SENP7: variants seen among roughly 807,000 people sequenced by gnomAD.
The protein encoded by SENP7 is SUMO specific peptidase 7.
SENP7 carries 64 observed loss-of-function variants against 141.2 expected under a neutral mutation model. The ratio of observed to expected loss-of-function variants is 0.45; its 90% CI spans 0.37 to 0.56. SENP7 has a LOEUF of 0.56. SENP7 is among the 20% of genes least tolerant of loss of function. The probability of loss-of-function intolerance (pLI) is 0.00; values close to 1 mark genes in which losing one functional copy is unlikely to be tolerated. For missense variants in SENP7, 1,025 were observed against 1,212.2 expected, an observed-to-expected ratio of 0.85 and a Z score of 2.29; for synonymous variants, 382 against 426.4, an observed-to-expected ratio of 0.90 and a Z score of 1.28.
intron 11 of SENP7, among the ~76,000 whole-genome samples, chr3:101,356,684 T>C (rs963167779): frequency 2.0e-5 from 3 of 152,164 alleles, no homozygotes; most frequent in Non-Finnish European, 2.9e-5. Context: ...GGCAAAAATA[T>C]ATTTTCATAT....
intron 20 of SENP7, among the ~76,000 whole-genome samples, chr3:101,330,055 A>C (rs924541253): frequency 1.3e-5 from 2 of 152,138 alleles, no homozygotes; most frequent in Admixed American, 1.3e-4. Context: ...TGACATAAAT[A>C]AAAGTGAATC....
chr3:101,355,777 C>A (rs2059725591), intron 11 of SENP7, among the ~76,000 whole-genome samples: 1 of 152,128 alleles, frequency 6.6e-6, no homozygotes. Flanking sequence ...AGGAATAGCA[C>A]TGAATCTATA....
At chr3:101,468,447 G>A (rs1471852624) in intron 3 of SENP7, among the ~76,000 whole-genome samples, 1 of 152,164 alleles carries the variant, frequency 6.6e-6, no homozygotes, top group Non-Finnish European at 1.5e-5. Flanking sequence ...AGTGTTAAGG[G>A]CAGCCAGAGA....
intron 5 of SENP7, among the ~76,000 whole-genome samples, chr3:101,417,078 T>C (rs2061645299): frequency 6.6e-6 from 1 of 152,104 alleles, no homozygotes; most frequent in African/African-American, 2.4e-5. Context: ...AACTGAACAT[T>C]TACTATTAAA....
chr3:101,479,704 A>G (rs2064368964), intron 3 of SENP7, among the ~76,000 whole-genome samples: 2 of 150,170 alleles, frequency 1.3e-5, no homozygotes, highest in African/African-American at 4.9e-5. Context: ...GCTAATAGGG[A>G]GGCTGAGGTG....
intron 14 of SENP7, 70 bp downstream of exon 14, chr3:101,343,616 C>A: frequency 6.8e-7 from 1 of 1,471,890 alleles, no homozygotes; most frequent in East Asian, 2.3e-5. Context: ...TTGAAAGCAG[C>A]CTAATATCAA....
chr3:101,448,230 A>G (rs544198706), intron 4 of SENP7, among the ~76,000 whole-genome samples: 4 of 152,322 alleles, frequency 2.6e-5, no homozygotes, highest in East Asian at 1.9e-4. Context: ...AGACTAAAGA[A>G]AAACAGATAA....
intron 12 of SENP7, among the ~76,000 whole-genome samples, chr3:101,349,891 A>G (rs1430175459): frequency 1.3e-5 from 2 of 152,092 alleles, no homozygotes; most frequent in Admixed American, 6.6e-5. Context: ...TTACTGAGGG[A>G]AGCAAGATAC....
chr3:101,383,588 C>A (rs1011617653), intron 6 of SENP7, among the ~76,000 whole-genome samples: 1 of 152,212 alleles, frequency 6.6e-6, no homozygotes, highest in African/African-American at 2.4e-5. Flanking sequence ...ACTCTCAGTG[C>A]CCACTCCAAT....
chr3:101,380,445 C>CCCCCA lies in SENP7; in HGVS notation c.678-8320_678-8319insTGGGG, dbSNP rs58844573. Among the ~76,000 whole-genome samples the CCCCCA allele has an allele frequency of 2.0e-3, 254 of 128,778 alleles. 10 individuals are homozygous for CCCCCA. Among genetic ancestry groups the CCCCCA allele is most frequent in the South Asian group, 7.9e-3 (29 of 3,652 alleles). The allele number at this position is 128,778 out of a possible 152,430, so 84.5% of individuals were successfully genotyped here. On this transcript the variant is annotated intron_variant, in intron 6 of 23. Coordinates refer to ENST00000394095, the MANE Select transcript of SENP7 (RefSeq NM_020654.5). Reference sequence around the variant, plus strand: ...GTAAAGCAAACCACCGCCCCCCCCCCCACACACACACACAAAACAAAACAT... The same window carrying CCCCCA: ...GTAAAGCAAACCACCGCCCCCCCCCCCCCCACACACACACACACAAAACAAAACAT...
At chr3:101,334,376 C>G (rs1161017574) in intron 17 of SENP7, among the ~76,000 whole-genome samples, 2 of 152,030 alleles carry the variant, frequency 1.3e-5, no homozygotes, top group Non-Finnish European at 2.9e-5. Context: ...TGGTATGTGA[C>G]TTCTGGCTCA....
At chr3:101,362,664 C>T (rs1424943673) in intron 10 of SENP7, among the ~76,000 whole-genome samples, 4 of 152,074 alleles carry the variant, frequency 2.6e-5, no homozygotes, top group Non-Finnish European at 5.9e-5. Flanking sequence ...CATCTTTATG[C>T]CTGTGTGCTA....
intron 6 of SENP7, among the ~76,000 whole-genome samples, chr3:101,373,313 TC>T (rs2060231134): frequency 6.6e-6 from 1 of 152,136 alleles, no homozygotes; most frequent in Non-Finnish European, 1.5e-5. Context: ...CCCTCAAGAA[TC>T]ATTCTTGAAG....
intron 11 of SENP7, among the ~76,000 whole-genome samples, chr3:101,359,533 A>C (rs909471214): frequency 6.6e-6 from 1 of 151,900 alleles, no homozygotes; most frequent in Non-Finnish European, 1.5e-5. Flanking sequence ...ATTAATTTTT[A>C]GGACCACTTT....
chr3:101,395,757 C>T (rs1487943126), intron 6 of SENP7, among the ~76,000 whole-genome samples: 1 of 152,218 alleles, frequency 6.6e-6, no homozygotes, highest in Non-Finnish European at 1.5e-5. Context: ...ATTGCTTTGG[C>T]AGCAATGGTG....
chr3:101,423,640 C>A (rs150092830), intron 4 of SENP7, among the ~76,000 whole-genome samples: 1 of 152,102 alleles, frequency 6.6e-6, no homozygotes, highest in African/African-American at 2.4e-5. Flanking sequence ...GGGACCAAGA[C>A]GATGGGTGCA....
chr3:101,444,113 T>A (rs992534906), intron 4 of SENP7, among the ~76,000 whole-genome samples: 9 of 133,936 alleles, frequency 6.7e-5, no homozygotes, highest in Admixed American at 8.4e-5. Context: ...AAAGAAGACA[T>A]TTATGCAGCC....
At chr3:101,351,816 T>C (rs1473127309) in intron 11 of SENP7, among the ~76,000 whole-genome samples, 165 bp from the exon 12 acceptor site, 18 of 151,974 alleles carry the variant, frequency 1.2e-4, no homozygotes, top group Non-Finnish European at 1.5e-5. Context: ...GACTTAGTTT[T>C]ATGGAAATTT....
chr3:101,364,826 T>A lies in SENP7; in HGVS notation c.1476+8A>T, dbSNP rs1356345098. 6.5e-7 allele frequency: 1 copy of A among 1,549,140 alleles called. No individual in the cohort carries two copies. Among genetic ancestry groups the A allele is most frequent in the South Asian group, 1.2e-5 (1 of 81,820 alleles). ...TTGTTAATCTATGAGAAGACAGAAA[T>A]AAATTACCTGTACAGATTCACATGT... On this transcript the variant is annotated splice_region_variant and intron_variant, in intron 10 of 23. Transcript: ENST00000394095.
Sources: gnomAD v4.1 joint callset for allele counts (sites outside exome capture counted in the v4.1 genomes callset) on GRCh38, gnomAD v4.1.1 for gene constraint, MANE v1.5 for transcripts, NCBI Gene and HGNC (gene_info 2026-07-23, HGNC 2026-07-21) for gene names.